Variants in SAP30 observed in about 807,000 individuals in gnomAD.
The protein encoded by SAP30 is histone deacetylase complex subunit SAP30.
SAP30 carries 13 observed loss-of-function variants against 19.6 expected under a neutral mutation model. The observed-to-expected ratio is 0.66, with a 90% confidence interval of 0.43 to 1.05. SAP30 has a LOEUF of 1.05. Ranked by LOEUF, SAP30 falls within the 50% of genes least tolerant of loss-of-function variation. The probability of loss-of-function intolerance (pLI) is 0.00; values close to 1 mark genes in which losing one functional copy is unlikely to be tolerated. For synonymous variants in SAP30, 108 were observed against 122.7 expected (o/e 0.88, Z 0.79); for missense variants, 257 against 292.1 (o/e 0.88, Z 0.88).
At chr4:173,373,849 G>T in intron 2 of SAP30, 90 bp from the exon 3 acceptor site, 1 of 564,750 alleles carries the variant, frequency 1.8e-6, no homozygotes, top group Non-Finnish European at 3.0e-6. Flanking sequence ...ATTTTATTGT[G>T]CTGAAGTTAA....
rs769547205 is a variant in SAP30 at position 173,371,507 on chromosome 4, C to G, written c.315+10C>G. 11 of 1,579,080 alleles carry G rather than the reference C, an allele frequency of 7.0e-6. No homozygotes were observed. In the East Asian group the frequency reaches 2.3e-4, roughly 33 times the overall value. ...CGAGCTGGATAAGAGCGTAAGTAAA[C>G]CGCGGGACCGCCCTGCCCTCCCGCC... On this transcript the variant is annotated intron_variant, in intron 1 of 3. Coordinates refer to ENST00000296504, the MANE Select transcript of SAP30 (RefSeq NM_003864.4). The surrounding 1 kb of genome is among the most constrained non-coding windows in gnomAD (Gnocchi z 6.4).
Position 173,374,047 on chromosome 4 carries a change from A to G in SAP30, c.540+10A>G. 1 of 1,476,940 alleles carries G rather than the reference A, an allele frequency of 6.8e-7. No homozygotes were observed. Among genetic ancestry groups the G allele is most frequent in the Non-Finnish European group, 9.3e-7 (1 of 1,073,664 alleles). The allele number at this position is 1,476,940 out of a possible 1,614,324, so 91.5% of individuals were successfully genotyped here. Reference sequence around the variant, plus strand: ...AGCACAACTTGTTGAGGTATATATGAGTTTTAAACTATTTGAACTATCTGC... The same window carrying G: ...AGCACAACTTGTTGAGGTATATATGGGTTTTAAACTATTTGAACTATCTGC... On this transcript the variant is annotated intron_variant, in intron 3 of 3. Coordinates refer to ENST00000296504, the MANE Select transcript of SAP30 (RefSeq NM_003864.4).
At position 173,371,599 on chromosome 4, in the gene SAP30, C is replaced by T. The variant is rs926860065; in HGVS notation, c.315+102C>T. 24 of 1,494,362 alleles carry T rather than the reference C, an allele frequency of 1.6e-5. No individual in the cohort carries two copies. In the Admixed American group the frequency reaches 3.8e-4, roughly 24 times the overall value. 92.6% of individuals were successfully genotyped at this position (1,494,362 alleles called of 1,614,324 possible). A position where few individuals can be genotyped will look rare whatever the true frequency, so the allele number is the denominator to read the frequency against. On this transcript the variant is annotated intron_variant, in intron 1 of 3. Transcript: ENST00000296504. The surrounding 1 kb of genome is among the most constrained non-coding windows in gnomAD (Gnocchi z 6.4). ...CGGCGGGGTCCCCCAGACAACCGCA[C>T]TGGCTGCAGTGCGGTCTCGTGGAGT... is the stretch of plus-strand genomic sequence containing the variant.
chr4:173,373,863 G>T, intron 2 of SAP30, 76 bp from the exon 3 acceptor site: 2 of 648,212 alleles, frequency 3.1e-6, no homozygotes, highest in South Asian at 3.4e-5. Flanking sequence ...AAGTTAAAAT[G>T]TTTGTTATTA....
chr4:173,373,370 GT>G lies in SAP30; in HGVS notation c.316-19del. ...ATTTTACTGTAATCATAAGCAGTGT[GT>G]AAAACTTTTCTGTTTCAGGCAAGGC... On this transcript the variant is annotated intron_variant, in intron 1 of 3. Coordinates refer to ENST00000296504, the MANE Select transcript of SAP30 (RefSeq NM_003864.4). 7 of 1,594,480 alleles carry G rather than the reference GT, an allele frequency of 4.4e-6. No individual in the cohort carries two copies. Among genetic ancestry groups the G allele is most frequent in the Non-Finnish European group, 5.1e-6 (6 of 1,171,544 alleles).
At chr4:173,374,928 T>C (rs1739010174) in intron 3 of SAP30, among the ~76,000 whole-genome samples, 1 of 151,888 alleles carries the variant, frequency 6.6e-6, no homozygotes, top group African/African-American at 2.4e-5. Flanking sequence ...GGACTTCTAG[T>C]CAGTCACTGA....
At position 173,374,074 on chromosome 4, in the gene SAP30, C is replaced by A. The variant is rs948477207; in HGVS notation, c.540+37C>A. 8 of 1,139,846 alleles carry A rather than the reference C, an allele frequency of 7.0e-6. No individual in the cohort carries two copies. The African/African-American group carries it at 7.9e-5, about 11-fold the overall frequency. 70.6% of individuals were successfully genotyped at this position (1,139,846 alleles called of 1,614,324 possible). A position where few individuals can be genotyped will look rare whatever the true frequency, so the allele number is the denominator to read the frequency against. On this transcript the variant is annotated intron_variant, in intron 3 of 3. Transcript: ENST00000296504. ...TTTTAAACTATTTGAACTATCTGCA[C>A]AACCGAGAGGTTATTAAGTGCTAAT...
intron 3 of SAP30, among the ~76,000 whole-genome samples, chr4:173,374,672 A>G (rs934476759): frequency 1.3e-5 from 2 of 152,192 alleles, no homozygotes; most frequent in African/African-American, 4.8e-5. Context: ...TTGAGCACCT[A>G]ATTGAGGCAT....
At chr4:173,377,096 G>A in intron 3 of SAP30, 109 bp from the exon 4 acceptor site, 1 of 653,458 alleles carries the variant, frequency 1.5e-6, no homozygotes, top group Non-Finnish European at 2.5e-6. Context: ...AAAGGAAATA[G>A]CCCTTATCAC....
At chr4:173,375,575 T>C (rs898684667) in intron 3 of SAP30, among the ~76,000 whole-genome samples, 5 of 152,248 alleles carry the variant, frequency 3.3e-5, no homozygotes, top group African/African-American at 9.6e-5. Flanking sequence ...TATATTTAGG[T>C]ATAAATTAAA....
intron 3 of SAP30, among the ~76,000 whole-genome samples, chr4:173,375,221 G>C (rs72694217): frequency 0.031 from 4,719 of 151,820 alleles, 122 homozygotes; most frequent in Non-Finnish European, 0.04. Context: ...TCTTTGCATG[G>C]ATTTAGTAGT....
chr4:173,377,201 G>T lies in SAP30; in HGVS notation c.541-4G>T. ...AATTTCCTTAATTTTTCTTTTCTTTGTAGATAGTTGGTTGCCACTTTAGGT... is the reference window on the plus strand; with the variant it reads ...AATTTCCTTAATTTTTCTTTTCTTTTTAGATAGTTGGTTGCCACTTTAGGT... On this transcript the variant is annotated splice_polypyrimidine_tract_variant and splice_region_variant and intron_variant, in intron 3 of 3. Transcript: ENST00000296504. 1 of 1,561,390 alleles carries T rather than the reference G, an allele frequency of 6.4e-7. No individual in the cohort carries two copies. The highest frequency in any genetic ancestry group is 1.2e-5 in the South Asian group (1 of 82,170).
Position 173,371,738 on chromosome 4 carries a change from C to T in SAP30, c.315+241C>T, listed in dbSNP as rs1293833548. The stretch of plus-strand genomic sequence containing the variant: ...TTTCCCACCCTGGCCCCCAACCTCC[C>T]GCTGCCTGCGTCTCTCCCGCGCAGT... On this transcript the variant is annotated intron_variant, in intron 1 of 3. Transcript: ENST00000296504. The surrounding 1 kb of genome is among the most constrained non-coding windows in gnomAD (Gnocchi z 6.4). Among the ~76,000 whole-genome samples, 1 of 152,144 alleles carries T rather than the reference C, an allele frequency of 6.6e-6. No individual in the cohort carries two copies. The highest frequency in any genetic ancestry group is 1.5e-5 in the Non-Finnish European group (1 of 68,016).
chr4:173,371,284 C>A lies in SAP30; in HGVS notation c.102C>A (p.Asn34Lys). ...CGGCCGCCGCCGCCTCGGCGGGGAA[C>A]GGGACCGGCGCGGGCACCGGGGCTG... is the stretch of plus-strand genomic sequence containing the variant. ...AAAAAAASAGNGTGAGTGAEV... is the reference protein window; with the variant it reads ...AAAAAAASAGKGTGAGTGAEV... Residue 34 changes from asparagine to lysine, a missense_variant, in exon 1 of 4, where the codon AAC becomes AAA. Coordinates refer to ENST00000296504, the MANE Select transcript of SAP30 (RefSeq NM_003864.4). The surrounding 1 kb of genome is among the most constrained non-coding windows in gnomAD (Gnocchi z 6.4). The A allele has an allele frequency of 8.1e-7, 1 of 1,232,088 alleles. No individual in the cohort carries two copies. Among genetic ancestry groups the A allele is most frequent in the Non-Finnish European group, 1.0e-6 (1 of 991,866 alleles). 76.3% of individuals were successfully genotyped at this position (1,232,088 alleles called of 1,614,324 possible).
chr4:173,372,472 A>G lies in SAP30; in HGVS notation c.316-918A>G, dbSNP rs941315740. ...AGAAACTCTTCAGGTGAACTTGCAT[A>G]ATTTCAGATTGTTTTGGAAAAATGT... On this transcript the variant is annotated intron_variant, in intron 1 of 3. Coordinates refer to ENST00000296504, the MANE Select transcript of SAP30 (RefSeq NM_003864.4). 3.3e-5 allele frequency among the ~76,000 whole-genome samples: 5 copies of G among 152,228 alleles called. No individual in the cohort carries two copies. The East Asian group carries it at 5.8e-4, about 18-fold the overall frequency.
At chr4:173,372,301 G>T (rs1478606848) in intron 1 of SAP30, among the ~76,000 whole-genome samples, 2 of 152,222 alleles carry the variant, frequency 1.3e-5, no homozygotes, top group African/African-American at 4.8e-5. Flanking sequence ...GCTTGGCTTA[G>T]AAGTAAATGT....
In SAP30 at chr4:173,374,004, C is replaced by G; in HGVS notation, c.507C>G (p.Thr169=). The part of the protein sequence containing the change: ...RRYKRHFKLP[T]RPGLNKAQLV... ...ACAAAAGACACTTCAAGCTACCAAC[C>G]AGACCAGGACTTAATAAAGCACAAC... Residue 169 remains threonine, a synonymous_variant, in exon 3 of 4, where the codon ACC becomes ACG. Transcript: ENST00000296504. The G allele has an allele frequency of 6.2e-7, 1 of 1,600,144 alleles. No homozygotes were observed. The highest frequency in any genetic ancestry group is 8.5e-7 in the Non-Finnish European group (1 of 1,171,724).
At chr4:173,374,486 G>C (rs183858327) in intron 3 of SAP30, among the ~76,000 whole-genome samples, 1 of 152,204 alleles carries the variant, frequency 6.6e-6, no homozygotes, top group African/African-American at 2.4e-5. Context: ...TCACCATGTT[G>C]GCCAGACTTG....
At chr4:173,373,043 C>CA (rs1738971192) in intron 1 of SAP30, among the ~76,000 whole-genome samples, 1 of 152,190 alleles carries the variant, frequency 6.6e-6, no homozygotes, top group South Asian at 2.1e-4. Context: ...CTTGGCCTCC[C>CA]AAAGTGCTGG....
Sources: gnomAD v4.1 joint callset for allele counts (sites outside exome capture counted in the v4.1 genomes callset) on GRCh38, gnomAD v4.1.1 for gene constraint, Gnocchi (gnomAD v3.1) non-coding constraint, MANE v1.5 for transcripts, NCBI Gene and HGNC (gene_info 2026-07-23, HGNC 2026-07-21) for gene names.